Variants in WDR70 observed in about 807,000 individuals in gnomAD.
WDR70 encodes WD repeat domain 70, also known as WD repeat-containing protein 70.
In WDR70, 53 loss-of-function variants were observed where a neutral mutation model predicts 88.6. The observed-to-expected ratio is 0.60, with a 90% CI of 0.48 to 0.75. The LOEUF is 0.75. WDR70 is among the 30% of genes least tolerant of loss of function. The probability of loss-of-function intolerance (pLI) is 0.00; values close to 1 mark genes in which losing one functional copy is unlikely to be tolerated. For missense variants in WDR70, 610 were observed against 823.2 expected (o/e 0.74, Z 3.17); for synonymous variants, 280 against 270.0 (o/e 1.04, Z -0.36).
chr5:37,593,169 TA>T (rs1352979608), intron 9 of WDR70, among the ~76,000 whole-genome samples: 1 of 152,176 alleles, frequency 6.6e-6, no homozygotes, highest in South Asian at 2.1e-4. Context: ...CTCTTTTTTT[TA>T]AAATACTTTT....
At chr5:37,742,869 A>T (rs1194071039) in intron 17 of WDR70, among the ~76,000 whole-genome samples, 1 of 152,248 alleles carries the variant, frequency 6.6e-6, no homozygotes, top group Non-Finnish European at 1.5e-5. Context: ...ATGAAAAAAC[A>T]GGTGGTAAAC....
At chr5:37,613,731 A>G (rs1158933921) in intron 10 of WDR70, among the ~76,000 whole-genome samples, 1 of 152,194 alleles carries the variant, frequency 6.6e-6, no homozygotes, top group Non-Finnish European at 1.5e-5. Flanking sequence ...GAGCCAGGCA[A>G]TATTTTAAGC....
In WDR70 at chr5:37,584,187, T is replaced by C. The variant is rs552405492; in HGVS notation, c.918-20877T>C. ...TGAGGATTAGATGGTAAAGTGCTTT[T>C]AGAATAGTGCATACTTCATTATGTG... On this transcript the variant is annotated intron_variant, in intron 9 of 17. Coordinates refer to ENST00000265107, the MANE Select transcript of WDR70 (RefSeq NM_018034.4). 2.8e-4 allele frequency among the ~76,000 whole-genome samples: 43 copies of C among 152,346 alleles called. No homozygotes were observed. In the South Asian group the frequency reaches 8.3e-3, roughly 29 times the overall value.
chr5:37,593,677 A>G lies in WDR70; in HGVS notation c.918-11387A>G, dbSNP rs547525338. Reference sequence around the variant, plus strand: ...TGGGTATATACCCAGTAATGGGATCACTGGGTCAAATGGTATTTCTAGTTC... The same window carrying G: ...TGGGTATATACCCAGTAATGGGATCGCTGGGTCAAATGGTATTTCTAGTTC... On this transcript the variant is annotated intron_variant, in intron 9 of 17. Transcript: ENST00000265107. Among the ~76,000 whole-genome samples the G allele has an allele frequency of 3.9e-5, 6 of 152,276 alleles. No individual in the cohort carries two copies. In the South Asian group the frequency reaches 6.2e-4, roughly 16 times the overall value.
At chr5:37,715,807 G>C (rs1379458709) in intron 13 of WDR70, among the ~76,000 whole-genome samples, 2 of 152,184 alleles carry the variant, frequency 1.3e-5, no homozygotes, top group African/African-American at 4.8e-5. Context: ...GAAGTCTGAA[G>C]AAAGTTCTTT....
intron 7 of WDR70, among the ~76,000 whole-genome samples, chr5:37,466,014 G>A (rs1739140151): frequency 6.6e-6 from 1 of 151,846 alleles, no homozygotes; most frequent in Non-Finnish European, 1.5e-5. Context: ...ACAGCATACT[G>A]TTAATATTAC....
At chr5:37,547,835 C>G (rs917995624) in intron 9 of WDR70, among the ~76,000 whole-genome samples, 2 of 152,166 alleles carry the variant, frequency 1.3e-5, no homozygotes, top group Non-Finnish European at 2.9e-5. Context: ...TCCTTCTACT[C>G]TATCTCCATG....
intron 9 of WDR70, among the ~76,000 whole-genome samples, chr5:37,538,610 G>A (rs2112323053): frequency 6.6e-6 from 1 of 152,302 alleles, no homozygotes; most frequent in East Asian, 1.9e-4. Flanking sequence ...TTTTCTGAGT[G>A]TGAGTTGGAG....
At chr5:37,570,128 A>G (rs1742859805) in intron 9 of WDR70, among the ~76,000 whole-genome samples, 1 of 152,118 alleles carries the variant, frequency 6.6e-6, no homozygotes, top group Non-Finnish European at 1.5e-5. Flanking sequence ...CGATGGGACC[A>G]TAGATTGGGG....
intron 7 of WDR70, among the ~76,000 whole-genome samples, chr5:37,457,374 G>T (rs1389524961): frequency 1.3e-5 from 2 of 152,212 alleles, no homozygotes; most frequent in African/African-American, 4.8e-5. Context: ...GGGATTACAG[G>T]TGTGAGCCAC....
At chr5:37,464,554 G>C (rs1211046303) in intron 7 of WDR70, among the ~76,000 whole-genome samples, 2 of 152,150 alleles carry the variant, frequency 1.3e-5, no homozygotes, top group Non-Finnish European at 2.9e-5. Flanking sequence ...AAGAATAACA[G>C]ATAAAAGGAG....
intron 5 of WDR70, among the ~76,000 whole-genome samples, chr5:37,412,678 TG>T (rs1400956033): frequency 6.6e-6 from 1 of 152,182 alleles, no homozygotes; most frequent in Non-Finnish European, 1.5e-5. Context: ...CGTTCTGTGG[TG>T]GGGAGTCCAA....
At chr5:37,717,032 T>C (rs1747672831) in intron 13 of WDR70, among the ~76,000 whole-genome samples, 1 of 152,192 alleles carries the variant, frequency 6.6e-6, no homozygotes, top group Non-Finnish European at 1.5e-5. Flanking sequence ...CTTCTAGTCA[T>C]GCTTATGGTC....
chr5:37,412,609 C>T (rs1376732526), intron 5 of WDR70, among the ~76,000 whole-genome samples: 4 of 152,168 alleles, frequency 2.6e-5, no homozygotes, highest in Non-Finnish European at 5.9e-5. Flanking sequence ...GATGTAACAG[C>T]AGCTTTCTAG....
At chr5:37,624,915 A>T (rs1171337659) in intron 10 of WDR70, among the ~76,000 whole-genome samples, 2 of 152,192 alleles carry the variant, frequency 1.3e-5, no homozygotes, top group Non-Finnish European at 1.5e-5. Context: ...CCTACAGACA[A>T]ACAATGTAGG....
intron 9 of WDR70, among the ~76,000 whole-genome samples, chr5:37,590,209 A>T (rs1743488796): frequency 6.6e-6 from 1 of 152,174 alleles, no homozygotes; most frequent in Non-Finnish European, 1.5e-5. Flanking sequence ...ATATTTACAG[A>T]CTTGTACAAC....
At chr5:37,621,499 T>C (rs1474972247) in intron 10 of WDR70, among the ~76,000 whole-genome samples, 1 of 152,222 alleles carries the variant, frequency 6.6e-6, no homozygotes, top group Non-Finnish European at 1.5e-5. Context: ...CACATTCTCA[T>C]GTGTCATTTG....
At chr5:37,623,322 G>A (rs1216455952) in intron 10 of WDR70, among the ~76,000 whole-genome samples, 1 of 152,026 alleles carries the variant, frequency 6.6e-6, no homozygotes, top group East Asian at 1.9e-4. Flanking sequence ...AATTCAGGGA[G>A]TGTGTTCTAA....
At chr5:37,679,612 C>T (rs1271151669) in intron 10 of WDR70, among the ~76,000 whole-genome samples, 8 of 152,168 alleles carry the variant, frequency 5.3e-5, no homozygotes, top group Admixed American at 5.2e-4. Context: ...AGAGGAGTAC[C>T]CGGCCGTGTG....
Sources: gnomAD v4.1 joint callset for allele counts (sites outside exome capture counted in the v4.1 genomes callset) on GRCh38, gnomAD v4.1.1 for gene constraint, MANE v1.5 for transcripts, NCBI Gene and HGNC (gene_info 2026-07-23, HGNC 2026-07-21) for gene names.